Variants in STK39 observed in about 807,000 individuals in gnomAD.
STK39 encodes STE20/SPS1-related proline-alanine-rich protein kinase.
Under a neutral mutation model 77.8 loss-of-function variants are expected in STK39, and 20 were observed. The ratio of observed to expected loss-of-function variants is 0.26; its 90% CI spans 0.18 to 0.37. STK39 has a LOEUF of 0.37. STK39 is among the 10% of genes least tolerant of loss of function. STK39 has a pLI of 1.00. For missense variants in STK39, 479 were observed against 656.5 expected (o/e 0.73, Z 2.95); for synonymous variants, 246 against 234.1 (o/e 1.05, Z -0.47).
intron 16 of STK39, among the ~76,000 whole-genome samples, chr2:167,990,306 T>G (rs990075103): frequency 6.6e-6 from 1 of 152,212 alleles, no homozygotes; most frequent in African/African-American, 2.4e-5. Context: ...AGGATTTATT[T>G]CTGGCTGGCT....
intron 1 of STK39, among the ~76,000 whole-genome samples, chr2:168,194,232 A>G (rs554263399): frequency 1.3e-5 from 2 of 152,250 alleles, no homozygotes; most frequent in South Asian, 4.1e-4. Context: ...TGGCCAATAC[A>G]GCGAAACCCC....
At chr2:168,165,032 T>G (rs1688663492) in intron 3 of STK39, among the ~76,000 whole-genome samples, 1 of 152,110 alleles carries the variant, frequency 6.6e-6, no homozygotes, top group African/African-American at 2.4e-5. Context: ...TGTAATGAAA[T>G]AGAAGAAAAC....
chr2:168,160,537 TGTGTTGGC>T (rs1688543049), intron 5 of STK39, among the ~76,000 whole-genome samples: 19 of 151,960 alleles, frequency 1.3e-4, no homozygotes, highest in Admixed American at 1.0e-3. Flanking sequence ...TTGCCTATTA[TGTGTTGGC>T]CACTGTTAAG....
chr2:168,245,663 A>G (rs1690879059), intron 1 of STK39, among the ~76,000 whole-genome samples: 1 of 152,248 alleles, frequency 6.6e-6, no homozygotes, highest in Non-Finnish European at 1.5e-5. Context: ...ACAGCGGTGT[A>G]TTCAGGAAGC....
chr2:168,055,549 A>G (rs755352001), intron 14 of STK39, among the ~76,000 whole-genome samples: 13 of 152,238 alleles, frequency 8.5e-5, no homozygotes, highest in Non-Finnish European at 1.6e-4. Context: ...ATACTGCTAC[A>G]TAATAACAAG....
chr2:168,126,339 A>G (rs759133587), intron 10 of STK39, among the ~76,000 whole-genome samples: 3 of 152,222 alleles, frequency 2.0e-5, no homozygotes, highest in Non-Finnish European at 4.4e-5. Flanking sequence ...AAGACAGTCT[A>G]AGAACAAATA....
intron 8 of STK39, among the ~76,000 whole-genome samples, chr2:168,130,188 G>T (rs1687642953): frequency 1.3e-5 from 2 of 152,156 alleles, no homozygotes; most frequent in South Asian, 2.1e-4. Flanking sequence ...TACTGCAAGG[G>T]GTCCACACAT....
intron 14 of STK39, among the ~76,000 whole-genome samples, chr2:168,022,817 C>T (rs949594721): frequency 6.6e-6 from 1 of 152,150 alleles, no homozygotes; most frequent in Non-Finnish European, 1.5e-5. Context: ...AGACTGAAGG[C>T]ATGGGAGAAA....
chr2:168,058,163 G>A (rs1559076980), intron 14 of STK39, among the ~76,000 whole-genome samples: 1 of 152,126 alleles, frequency 6.6e-6, no homozygotes, highest in Non-Finnish European at 1.5e-5. Flanking sequence ...CCAATCTCTT[G>A]AACCCAGTTG....
rs1242335979 is a variant in STK39 at position 167,963,523 on chromosome 2, T to TA, written c.1563+1138dup. 8.8e-3 allele frequency among the ~76,000 whole-genome samples: 1,220 copies of TA among 138,638 alleles called. 7 individuals are homozygous for TA. The highest frequency in any genetic ancestry group is 0.017 in the African/African-American group (626 of 37,392). The allele number at this position is 138,638 out of a possible 152,430, so 91.0% of individuals were successfully genotyped here. A position where few individuals can be genotyped will look rare whatever the true frequency, so the allele number is the denominator to read the frequency against. On this transcript the variant is annotated intron_variant, in intron 17 of 17. Coordinates refer to ENST00000355999, the MANE Select transcript of STK39 (RefSeq NM_013233.3). ...TTTTCTCATCAATATACTCTCACAT[T>TA]AAAAAAAAAAAAAACACACACATTA...
chr2:168,144,293 CTATTTTTATT>C (rs1385772640), intron 5 of STK39, among the ~76,000 whole-genome samples: 1 of 151,858 alleles, frequency 6.6e-6, no homozygotes, highest in East Asian at 1.9e-4. Context: ...TTATTTAGGC[CTATTTTTATT>C]TATTTATTTT....
chr2:168,004,509 G>A (rs569422786), intron 16 of STK39, among the ~76,000 whole-genome samples: 6 of 152,088 alleles, frequency 3.9e-5, no homozygotes, highest in African/African-American at 1.4e-4. Flanking sequence ...GAGGCAGGCG[G>A]ATCATGAGGT....
chr2:167,970,576 C>T (rs1421016594), intron 16 of STK39, among the ~76,000 whole-genome samples: 1 of 152,212 alleles, frequency 6.6e-6, no homozygotes, highest in East Asian at 1.9e-4. Flanking sequence ...TTTCTACAAA[C>T]GTTTGTCTCC....
intron 10 of STK39, among the ~76,000 whole-genome samples, chr2:168,100,804 C>T (rs1686803393): frequency 1.3e-5 from 2 of 152,134 alleles, no homozygotes; most frequent in South Asian, 4.1e-4. Context: ...TGTGGTGATT[C>T]CTCAAGGATC....
At position 168,163,586 on chromosome 2, in the gene STK39, A is replaced by G. The variant is rs186879446; in HGVS notation, c.572+153T>C. The G allele has an allele frequency of 4.7e-3, 4,632 of 985,124 alleles. 18 individuals are homozygous for G. The highest frequency in any genetic ancestry group is 5.2e-3 in the Non-Finnish European group (4,354 of 829,640). 61.0% of individuals were successfully genotyped at this position (985,124 alleles called of 1,614,324 possible). A position where few individuals can be genotyped will look rare whatever the true frequency, so the allele number is the denominator to read the frequency against. The stretch of plus-strand genomic sequence containing the variant: ...CATGTGTTTCCTTAACATTCTTTAC[A>G]AACTAGGGCTGAAGATATGAACATC... On this transcript the variant is annotated intron_variant, in intron 4 of 17. Coordinates refer to ENST00000355999, the MANE Select transcript of STK39 (RefSeq NM_013233.3).
intron 14 of STK39, among the ~76,000 whole-genome samples, chr2:168,043,544 G>A (rs569813424): frequency 1.1e-4 from 17 of 152,302 alleles, no homozygotes; most frequent in Admixed American, 9.8e-4. Context: ...ATGCAAATGT[G>A]AATTTTCTCT....
At chr2:168,090,842 T>C (rs2105433048) in intron 10 of STK39, among the ~76,000 whole-genome samples, 1 of 152,294 alleles carries the variant, frequency 6.6e-6, no homozygotes, top group East Asian at 1.9e-4. Context: ...TTATTCCATC[T>C]GCTTAAGCAA....
chr2:167,974,416 A>G (rs1356126383), intron 16 of STK39, among the ~76,000 whole-genome samples: 2 of 152,174 alleles, frequency 1.3e-5, no homozygotes, highest in Non-Finnish European at 2.9e-5. Flanking sequence ...CCCCTGAAGC[A>G]TCTAAAAGAA....
chr2:168,180,380 C>T (rs4668041), intron 2 of STK39, among the ~76,000 whole-genome samples: 48,280 of 151,868 alleles, frequency 0.32, 7,909 homozygotes, highest in East Asian at 0.46. Context: ...ACAACTATCA[C>T]TGGCAAATTC....
Sources: gnomAD v4.1 joint callset for allele counts (sites outside exome capture counted in the v4.1 genomes callset) on GRCh38, gnomAD v4.1.1 for gene constraint, MANE v1.5 for transcripts, NCBI Gene and HGNC (gene_info 2026-07-23, HGNC 2026-07-21) for gene names.